Variants in PRRX1 observed in about 807,000 individuals in gnomAD.
The protein encoded by PRRX1 is paired mesoderm homeobox protein 1.
PRRX1 carries 8 observed loss-of-function variants against 24.0 expected under a neutral mutation model. The observed-to-expected ratio is 0.33, with a 90% CI of 0.20 to 0.60. The LOEUF is 0.60. PRRX1 is among the 20% of genes least tolerant of loss of function. The probability of loss-of-function intolerance (pLI) is 0.82; values close to 1 mark genes in which losing one functional copy is unlikely to be tolerated. For synonymous variants in PRRX1, 160 were observed against 131.7 expected (o/e 1.22, Z -1.47); for missense variants, 281 against 322.4 (o/e 0.87, Z 0.98).
intron 1 of PRRX1, chr1:170,668,039 C>G (rs965481794): frequency 3.3e-5 from 5 of 151,146 alleles, no homozygotes; most frequent in Admixed American, 2.0e-4. Flanking sequence ...ACTACACTGT[C>G]CTCTCTGTAG....
chr1:170,686,422 C>T (rs1653745520), intron 1 of PRRX1, among the ~76,000 whole-genome samples: 1 of 152,050 alleles, frequency 6.6e-6, no homozygotes, highest in South Asian at 2.1e-4. Context: ...TTTCTTGTTC[C>T]AATAATCCCA....
chr1:170,664,118 C>G (rs372419589), upstream of PRRX1: 3,118 of 813,084 alleles, frequency 3.8e-3, 57 homozygotes, highest in African/African-American at 0.076. Context: ...CACTACCCCC[C>G]TCTTTCTTCC....
intron 1 of PRRX1, among the ~76,000 whole-genome samples, chr1:170,677,814 G>A (rs573016260): frequency 1.3e-5 from 2 of 152,200 alleles, no homozygotes; most frequent in Admixed American, 6.5e-5. Context: ...TTTTTGGATG[G>A]CACCAATATT....
At chr1:170,710,685 T>C (rs1654717327) in intron 1 of PRRX1, among the ~76,000 whole-genome samples, 1 of 152,174 alleles carries the variant, frequency 6.6e-6, no homozygotes. Context: ...TAATAAGGTT[T>C]AGATGAGGTC....
At chr1:170,669,591 A>C (rs906870017) in intron 1 of PRRX1, among the ~76,000 whole-genome samples, 3 of 151,928 alleles carry the variant, frequency 2.0e-5, no homozygotes, top group Non-Finnish European at 4.4e-5. Flanking sequence ...TTTTATTTTA[A>C]AAGGCATGTT....
rs541077986 is a variant in PRRX1 at position 170,680,344 on chromosome 1, G to A, written c.241+15885G>A. 8.9e-4 allele frequency among the ~76,000 whole-genome samples: 135 copies of A among 152,238 alleles called. 1 individual carries two copies. The South Asian group carries it at 0.027, about 30-fold the overall frequency. On this transcript the variant is annotated intron_variant, in intron 1 of 3. Transcript: ENST00000239461. ...TTGAAGGAAGAAAACAAGAAAGAAGGGCACTTGTAGAGATGTGAAGGGGCA... is the reference window on the plus strand; with the variant it reads ...TTGAAGGAAGAAAACAAGAAAGAAGAGCACTTGTAGAGATGTGAAGGGGCA...
At chr1:170,695,741 CT>C (rs1306636355) in intron 1 of PRRX1, among the ~76,000 whole-genome samples, 2 of 152,178 alleles carry the variant, frequency 1.3e-5, no homozygotes, top group Non-Finnish European at 2.9e-5. Context: ...CTCTCACACA[CT>C]TTTCTTTGTG....
intron 1 of PRRX1, chr1:170,667,857 C>A (rs1308159883): frequency 6.6e-6 from 1 of 152,200 alleles, no homozygotes; most frequent in Non-Finnish European, 1.5e-5. Flanking sequence ...AAAACAAACT[C>A]CACTTACACC....
Position 170,739,247 on chromosome 1 carries a change from G to A in PRRX1, c.*3061G>A, listed in dbSNP as rs747875263. 1.0e-5 allele frequency: 2 copies of A among 195,374 alleles called. No homozygotes were observed. The highest frequency in any genetic ancestry group is 2.1e-5 in the Non-Finnish European group (2 of 93,818). The allele number at this position is 195,374 out of a possible 1,614,324, so 12.1% of individuals were successfully genotyped here. A position where few individuals can be genotyped will look rare whatever the true frequency, so the allele number is the denominator to read the frequency against. ...TGGCAGGTTAAATTAAACCAGAAGA[G>A]GTGACTTAATAAAAAAGGGAATGAC... On this transcript the variant is annotated 3_prime_UTR_variant, in exon 4 of 4. Coordinates refer to ENST00000239461, the MANE Select transcript of PRRX1 (RefSeq NM_022716.4).
intron 1 of PRRX1, 47 bp from the exon 2 acceptor site, chr1:170,719,679 C>T (rs765295139): frequency 3.1e-6 from 5 of 1,591,336 alleles, no homozygotes; most frequent in Non-Finnish European, 4.3e-6. Flanking sequence ...TTAACTGGGA[C>T]TCCTACAGTG....
At chr1:170,722,554 T>G (rs1203672480) in intron 2 of PRRX1, 2 of 152,154 alleles carry the variant, frequency 1.3e-5, no homozygotes, top group African/African-American at 4.8e-5. Flanking sequence ...ATCAGTGGAA[T>G]GTACAATAAT....
chr1:170,676,800 C>T (rs1653333852), intron 1 of PRRX1, among the ~76,000 whole-genome samples: 1 of 152,142 alleles, frequency 6.6e-6, no homozygotes, highest in South Asian at 2.1e-4. Context: ...TGAAATCATA[C>T]TGAGTTAGGA....
chr1:170,679,895 A>G (rs1041278903), intron 1 of PRRX1, among the ~76,000 whole-genome samples: 2 of 152,212 alleles, frequency 1.3e-5, no homozygotes, highest in East Asian at 1.9e-4. Context: ...CCTTACTTTC[A>G]GACAGTTGAT....
chr1:170,677,702 T>C (rs1250632001), intron 1 of PRRX1, among the ~76,000 whole-genome samples: 1 of 152,246 alleles, frequency 6.6e-6, no homozygotes, highest in African/African-American at 2.4e-5. Context: ...CATGAGTATC[T>C]GGAAGAGCCA....
At chr1:170,712,068 T>G (rs535078118) in intron 1 of PRRX1, among the ~76,000 whole-genome samples, 1 of 152,338 alleles carries the variant, frequency 6.6e-6, no homozygotes, top group South Asian at 2.1e-4. Context: ...TTTCATAACC[T>G]GTCTTTAGCT....
chr1:170,698,834 A>C (rs1200118498), intron 1 of PRRX1, among the ~76,000 whole-genome samples: 3 of 152,134 alleles, frequency 2.0e-5, no homozygotes, highest in African/African-American at 7.2e-5. Context: ...TAGGAGAGTC[A>C]GTCCTGAGAG....
upstream of PRRX1, chr1:170,664,026 T>C (rs1571306504): frequency 1.7e-6 from 1 of 580,912 alleles, no homozygotes; most frequent in Non-Finnish European, 2.9e-6. Flanking sequence ...CAGAAGGGGG[T>C]CCCCCACCCT....
chr1:170,680,685 G>C (rs1186921280), intron 1 of PRRX1, among the ~76,000 whole-genome samples: 1 of 152,188 alleles, frequency 6.6e-6, no homozygotes, highest in Non-Finnish European at 1.5e-5. Flanking sequence ...ACATCCCATA[G>C]TTCACGCCTT....
intron 1 of PRRX1, among the ~76,000 whole-genome samples, chr1:170,709,988 T>A (rs1654694145): frequency 1.3e-5 from 2 of 152,182 alleles, no homozygotes; most frequent in Non-Finnish European, 2.9e-5. Context: ...AAAAACATCT[T>A]AGGTTTCTTC....
Sources: allele counts gnomAD v4.1 joint callset (sites outside exome capture counted in the v4.1 genomes callset), GRCh38; gene constraint gnomAD v4.1.1; transcripts MANE v1.5; gene names NCBI Gene and HGNC (gene_info 2026-07-23, HGNC 2026-07-21).